CNOT1: variants seen among roughly 807,000 people sequenced by gnomAD.
CNOT1 encodes CCR4-associated factor 1.
Under a neutral mutation model 273.8 loss-of-function variants are expected in CNOT1, and 15 were observed. The observed-to-expected ratio is 0.05, with a 90% confidence interval of 0.04 to 0.08. The LOEUF (loss-of-function observed/expected upper bound fraction) is 0.08, where lower values mean the gene tolerates loss of function less well. CNOT1 is among the 10% of genes least tolerant of loss of function. The probability of loss-of-function intolerance (pLI) is 1.00; values close to 1 mark genes in which losing one functional copy is unlikely to be tolerated. For synonymous variants in CNOT1, 1,022 were observed against 1,005.5 expected (o/e 1.02, Z -0.31); for missense variants, 1,644 against 2,912.2 (o/e 0.56, Z 10.02).
At position 58,556,561 on chromosome 16, in the gene CNOT1, G is replaced by A. The variant is rs540126591; in HGVS notation, c.2479+286C>T. ...TAAAAAAAACTCAACACATGTTTAG[G>A]TTAAGTTCAAGAGTTACATTCGTAT... On this transcript the variant is annotated intron_variant, in intron 19 of 48. Transcript: ENST00000317147. 2.0e-5 allele frequency among the ~76,000 whole-genome samples: 3 copies of A among 152,258 alleles called. No homozygotes were observed. In the East Asian group the frequency reaches 5.8e-4, roughly 29 times the overall value.
At position 58,526,078 on chromosome 16, in the gene CNOT1, T is replaced by C; in HGVS notation, c.6514A>G (p.Met2172Val). The C allele has an allele frequency of 6.2e-7, 1 of 1,614,024 alleles. No homozygotes were observed. Among genetic ancestry groups the C allele is most frequent in the Non-Finnish European group, 8.5e-7 (1 of 1,179,928 alleles). Residue 2172 changes from methionine to valine, a missense_variant, in exon 45 of 49, where the codon ATG (methionine) becomes GTG (valine). By Grantham distance (21) the Met-to-Val change is conservative. This residue lies in a region of CNOT1 where 140 missense variants were observed against 324.6 expected (regional missense o/e 0.43). Coordinates refer to ENST00000317147, the MANE Select transcript of CNOT1 (RefSeq NM_016284.5). ...AAATCCTTTTTGAACTGAGGTGGCA[T>C]TACTCCAGTGAAATTGGTGAGAATC... is the stretch of plus-strand genomic sequence containing the variant. ...PRILTNFTGV[M>V]PPQFKKDLDS...
At chr16:58,628,173 TGAAAA>T (rs1284952732) in intron 1 of CNOT1, among the ~76,000 whole-genome samples, 2 of 152,182 alleles carry the variant, frequency 1.3e-5, no homozygotes, top group Admixed American at 6.5e-5. Flanking sequence ...CCACACTTGT[TGAAAA>T]GGAACTAACT....
intron 2 of CNOT1, among the ~76,000 whole-genome samples, chr16:58,595,122 A>G (rs892769132): frequency 6.6e-6 from 1 of 151,956 alleles, no homozygotes; most frequent in Non-Finnish European, 1.5e-5. Context: ...AAAAAAAAAA[A>G]CAAAAAAGGT....
intron 16 of CNOT1, among the ~76,000 whole-genome samples, chr16:58,563,222 T>C (rs2040922891): frequency 1.3e-5 from 2 of 152,254 alleles, no homozygotes; most frequent in Admixed American, 6.5e-5. Context: ...TATTATAATG[T>C]ATTTTGCTGT....
chr16:58,538,731 C>T (rs1211735085), intron 36 of CNOT1, 41 bp downstream of exon 36: 8 of 1,605,358 alleles, frequency 5.0e-6, no homozygotes, highest in South Asian at 2.2e-5. Context: ...AAAAGGCAGT[C>T]GCAGTCCAAT....
At chr16:58,581,639 A>T (rs2041659438) in intron 10 of CNOT1, 124 bp from the exon 11 acceptor site, 1 of 1,393,740 alleles carries the variant, frequency 7.2e-7, no homozygotes, top group African/African-American at 1.5e-5. Context: ...TTTAATGTGA[A>T]TTTTAAGAAA....
chr16:58,560,649 C>T (rs1372577332), intron 16 of CNOT1, among the ~76,000 whole-genome samples: 3 of 152,052 alleles, frequency 2.0e-5, no homozygotes, highest in South Asian at 2.1e-4. Flanking sequence ...AAGGCTGAGG[C>T]GGAAGGATTG....
chr16:58,607,027 T>G (rs1222400256), intron 1 of CNOT1, among the ~76,000 whole-genome samples: 2 of 151,770 alleles, frequency 1.3e-5, no homozygotes, highest in Non-Finnish European at 2.9e-5. Flanking sequence ...GAACCAAGAG[T>G]AGCTGTGGTA....
At chr16:58,537,868 A>T (rs1434372005) in intron 38 of CNOT1, 23 bp downstream of exon 38, 1 of 1,612,382 alleles carries the variant, frequency 6.2e-7, no homozygotes, top group South Asian at 1.1e-5. Context: ...ATGCACAGGG[A>T]TCTCAAAGCA....
intron 1 of CNOT1, among the ~76,000 whole-genome samples, chr16:58,602,353 G>T (rs2042496791): frequency 2.0e-5 from 3 of 151,940 alleles, no homozygotes; most frequent in African/African-American, 7.3e-5. Context: ...TTATAAGAGT[G>T]AGCCACCGCA....
chr16:58,560,924 C>G (rs930399697), intron 16 of CNOT1, among the ~76,000 whole-genome samples: 27 of 152,118 alleles, frequency 1.8e-4, no homozygotes, highest in African/African-American at 6.5e-4. Flanking sequence ...ACTCGGGAGG[C>G]TGAGGCAGGA....
At chr16:58,568,480 TCGAGAC>T (rs2041143285) in intron 16 of CNOT1, among the ~76,000 whole-genome samples, 1 of 151,892 alleles carries the variant, frequency 6.6e-6, no homozygotes, top group African/African-American at 2.4e-5. Context: ...GGTCAAGAGA[TCGAGAC>T]CATCCTGGCC....
chr16:58,580,902 A>G lies in CNOT1; in HGVS notation c.1216-142T>C, dbSNP rs554526279. 16 of 828,746 alleles carry G rather than the reference A, an allele frequency of 1.9e-5. No individual in the cohort carries two copies. In the African/African-American group the frequency reaches 2.4e-4, roughly 13 times the overall value. 51.3% of individuals were successfully genotyped at this position (828,746 alleles called of 1,614,324 possible). A position where few individuals can be genotyped will look rare whatever the true frequency, so the allele number is the denominator to read the frequency against. ...AAAATCTTAATTATTTGCCCTTTGA[A>G]AACCACACATAATTCAGACACATTA... On this transcript the variant is annotated intron_variant, in intron 11 of 48. Coordinates refer to ENST00000317147, the MANE Select transcript of CNOT1 (RefSeq NM_016284.5).
intron 36 of CNOT1, 145 bp from the exon 37 acceptor site, chr16:58,538,411 T>C: frequency 3.1e-6 from 2 of 639,410 alleles, no homozygotes; most frequent in Non-Finnish European, 5.6e-6. Flanking sequence ...CAGCCAGTAA[T>C]GAAATAGAAC....
At chr16:58,588,295 A>G (rs1409950021) in intron 3 of CNOT1, among the ~76,000 whole-genome samples, 1 of 152,072 alleles carries the variant, frequency 6.6e-6, no homozygotes, top group South Asian at 2.1e-4. Context: ...TCTCAAAAAC[A>G]CCCAAGGTAA....
intron 16 of CNOT1, among the ~76,000 whole-genome samples, chr16:58,561,092 G>T (rs1221387643): frequency 1.3e-5 from 2 of 152,198 alleles, no homozygotes; most frequent in Non-Finnish European, 2.9e-5. Flanking sequence ...GGCTGAGGTG[G>T]GAGGACTGAT....
rs769407912 is a variant in CNOT1, at chr16:58,587,193, T to G, written c.433+8A>C. 23 of 1,609,486 alleles carry G rather than the reference T, an allele frequency of 1.4e-5. No individual in the cohort carries two copies. Among genetic ancestry groups the G allele is most frequent in the Middle Eastern group, 1.7e-4 (1 of 6,016 alleles). On this transcript the variant is annotated splice_region_variant and intron_variant, in intron 6 of 48. Transcript: ENST00000317147. ...CACTTCGTGATATTTTTGGAAAAAG[T>G]AACTCACCGAAACCTCTAAGATCTG...
At chr16:58,582,123 C>CAAAAAAAAA (rs930219983) in intron 10 of CNOT1, among the ~76,000 whole-genome samples, 2 of 99,434 alleles carry the variant, frequency 2.0e-5, no homozygotes, top group African/African-American at 4.3e-5. Flanking sequence ...ACTAAAAATA[C>CAAAAAAAAA]AAAAAAAAAA....
intron 16 of CNOT1, among the ~76,000 whole-genome samples, chr16:58,561,779 T>A (rs189203038): frequency 5.5e-4 from 84 of 152,288 alleles, no homozygotes; most frequent in Admixed American, 1.2e-3. Context: ...TTTTAAAAAA[T>A]TTTTTAAACC....
Sources: allele counts gnomAD v4.1 joint callset (sites outside exome capture counted in the v4.1 genomes callset), GRCh38; gene constraint gnomAD v4.1.1; regional missense constraint gnomAD v4.1.1; transcripts MANE v1.5; gene names NCBI Gene and HGNC (gene_info 2026-07-23, HGNC 2026-07-21).